The following COL18A1 variants were observed in gnomAD, a reference collection of about 807,000 sequenced individuals.
COL18A1 encodes the protein collagen type XVIII alpha 1 chain.
Under a neutral mutation model 168.0 loss-of-function variants are expected in COL18A1, and 133 were observed. That is an observed-to-expected ratio of 0.79 (90% CI 0.69 to 0.91). COL18A1 has a LOEUF of 0.91. Ranked by LOEUF, COL18A1 falls within the 40% of genes least tolerant of loss-of-function variation. The pLI is 0.00. For missense variants in COL18A1, 2,126 were observed against 1,925.4 expected, an observed-to-expected ratio of 1.10 and a Z score of -1.95; for synonymous variants, 949 against 809.0, an observed-to-expected ratio of 1.17 and a Z score of -2.94.
Position 45,455,842 on chromosome 21 carries a change from G to A in COL18A1, c.107-12400G>A, listed in dbSNP as rs377623821. 1.4e-4 allele frequency: 222 copies of A among 1,613,226 alleles called. No homozygotes were observed. In the African/African-American group the frequency reaches 2.1e-3, roughly 15 times the overall value. ...CTGCCGAGAGCCCGGACGCGCCAGAGGAGAACATTGCCGGTGTCGGAGCCG... is the reference window on the plus strand; with the variant it reads ...CTGCCGAGAGCCCGGACGCGCCAGAAGAGAACATTGCCGGTGTCGGAGCCG... On this transcript the variant is annotated intron_variant, in intron 2 of 41. Transcript: ENST00000651438.
intron 2 of COL18A1, among the ~76,000 whole-genome samples, chr21:45,414,059 G>A (rs1047942499): frequency 6.6e-6 from 1 of 152,240 alleles, no homozygotes; most frequent in Admixed American, 6.5e-5. Flanking sequence ...AGGAGGTGGA[G>A]GAGGAGGATC....
intron 2 of COL18A1, among the ~76,000 whole-genome samples, chr21:45,450,502 T>C (rs2034597640): frequency 1.3e-5 from 2 of 152,202 alleles, no homozygotes; most frequent in South Asian, 4.1e-4. Context: ...GCCCCCCTCT[T>C]TGCCCCCTGA....
In COL18A1 at chr21:45,455,594, C is replaced by CG. The variant is rs752078007; in HGVS notation, c.107-12645dup. 2.7e-5 allele frequency: 44 copies of CG among 1,613,950 alleles called. No individual in the cohort carries two copies. The highest frequency in any genetic ancestry group is 5.0e-5 in the Admixed American group (3 of 60,028). ...GCTCTTCTGCTGCCTGGCGGCTGCC[C>CG]GGGCCAACCTGCTGAACCTGAACTG... On this transcript the variant is annotated intron_variant, in intron 2 of 41. Coordinates refer to ENST00000651438, the MANE Select transcript of COL18A1 (RefSeq NM_001379500.1).
chr21:45,479,479 A>C (rs928340740), intron 9 of COL18A1, among the ~76,000 whole-genome samples: 1 of 152,044 alleles, frequency 6.6e-6, no homozygotes, highest in Admixed American at 6.5e-5. Flanking sequence ...ACACACATAC[A>C]CATACCACGT....
At chr21:45,430,468 G>T (rs2145781938) in intron 2 of COL18A1, among the ~76,000 whole-genome samples, 1 of 152,210 alleles carries the variant, frequency 6.6e-6, no homozygotes, top group South Asian at 2.1e-4. Context: ...TTGCTGGGGA[G>T]GGGGCTCGAG....
chr21:45,504,328 C>A, intron 33 of COL18A1, 88 bp from the exon 34 acceptor site: 1 of 1,384,714 alleles, frequency 7.2e-7, no homozygotes, highest in Non-Finnish European at 9.9e-7. Flanking sequence ...AAGCTTCTGA[C>A]TGCCCAGCCC....
At chr21:45,456,801 G>A in intron 2 of COL18A1, 14 of 1,539,290 alleles carry the variant, frequency 9.1e-6, no homozygotes, top group Non-Finnish European at 1.1e-5. Flanking sequence ...AGCCGCCTGG[G>A]CGGGGGCCGG....
chr21:45,495,443 C>G lies in COL18A1; in HGVS notation c.2508+11C>G. 1 of 1,600,434 alleles carries G rather than the reference C, an allele frequency of 6.2e-7. No individual in the cohort carries two copies. Among genetic ancestry groups the G allele is most frequent in the Non-Finnish European group, 8.5e-7 (1 of 1,172,656 alleles). On this transcript the variant is annotated intron_variant, in intron 29 of 41. Coordinates refer to ENST00000651438, the MANE Select transcript of COL18A1 (RefSeq NM_001379500.1). ...GGATTTGGCATGAGGGTGAGTGTCT[C>G]TCAAGGGGCGGACTGGGTGGCTGGG...
At chr21:45,456,623 C>A (rs757277183) in intron 2 of COL18A1, 80 of 1,539,106 alleles carry the variant, frequency 5.2e-5, no homozygotes, top group Non-Finnish European at 6.5e-5. Context: ...GAGCGGCGAG[C>A]AGGTGCGGGC....
In COL18A1 at chr21:45,443,269, A is replaced by G. The variant is rs1473390661; in HGVS notation, c.107-24973A>G. Among the ~76,000 whole-genome samples the G allele has an allele frequency of 6.6e-6, 1 of 152,128 alleles. No homozygotes were observed. The highest frequency in any genetic ancestry group is 1.5e-5 in the Non-Finnish European group (1 of 68,010). ...CCCAACCGGCACAAGTGTGGCTGTC[A>G]CAGCTGGGGTCTGGGTAGGTCTGGC... On this transcript the variant is annotated intron_variant, in intron 2 of 41. Transcript: ENST00000651438. This position sits in a 1 kb window ranked among gnomAD's most constrained non-coding sequence, Gnocchi z 5.2.
At chr21:45,490,551 C>CCCGGGTCT (rs1258903790) in intron 20 of COL18A1, among the ~76,000 whole-genome samples, 2,636 of 138,326 alleles carry the variant, frequency 0.019, 20 homozygotes, top group Middle Eastern at 0.03. Context: ...CGTGTGCCCT[C>CCCGGGTCT]CTGGGTCTCC....
At chr21:45,491,360 A>G (rs2036336418) in intron 22 of COL18A1, 46 bp downstream of exon 22, 1 of 1,241,652 alleles carries the variant, frequency 8.1e-7, no homozygotes, top group African/African-American at 1.5e-5. Flanking sequence ...CAGACCCCCC[A>G]CGGGGTGCAG....
intron 2 of COL18A1, among the ~76,000 whole-genome samples, chr21:45,445,100 A>G (rs989197110): frequency 6.6e-6 from 1 of 152,220 alleles, no homozygotes; most frequent in Admixed American, 6.5e-5. Context: ...TCATCACTCC[A>G]GAGAGAAGCC....
chr21:45,482,711 C>T, intron 14 of COL18A1, 84 bp from the exon 15 acceptor site: 1 of 1,606,610 alleles, frequency 6.2e-7, no homozygotes, highest in Non-Finnish European at 8.5e-7. Context: ...GGTCGGGGCA[C>T]AGTTCCTGGC....
intron 2 of COL18A1, chr21:45,456,568 C>T: frequency 5.2e-6 from 8 of 1,545,720 alleles, no homozygotes; most frequent in Non-Finnish European, 7.0e-6. Flanking sequence ...TCTGCGGCCA[C>T]CTGGGCATCT....
At chr21:45,431,199 G>A (rs549421050) in intron 2 of COL18A1, among the ~76,000 whole-genome samples, 5 of 152,286 alleles carry the variant, frequency 3.3e-5, no homozygotes, top group African/African-American at 7.2e-5. Context: ...GGTGGGCGAC[G>A]GACAGACAGG....
intron 2 of COL18A1, among the ~76,000 whole-genome samples, chr21:45,442,742 C>T (rs1295327981): frequency 2.3e-5 from 2 of 85,332 alleles, no homozygotes; most frequent in Non-Finnish European, 2.1e-5. Context: ...GTGTGGGCAG[C>T]GGGGCTGGTG....
Position 45,425,673 on chromosome 21 carries a change from G to T in COL18A1, c.106+20200G>T, listed in dbSNP as rs759620246. 3.3e-5 allele frequency among the ~76,000 whole-genome samples: 5 copies of T among 152,172 alleles called. No homozygotes were observed. Among genetic ancestry groups the T allele is most frequent in the Non-Finnish European group, 7.4e-5 (5 of 68,022 alleles). On this transcript the variant is annotated intron_variant, in intron 2 of 41. Coordinates refer to ENST00000651438, the MANE Select transcript of COL18A1 (RefSeq NM_001379500.1). This position sits in a 1 kb window ranked among gnomAD's most constrained non-coding sequence, Gnocchi z 4.1. ...AGCCTCCCCGGCTCCTCAGGGGGAG[G>T]TTCGGGGCCTTTGGTCTCTGGACTT... is the stretch of plus-strand genomic sequence containing the variant.
At chr21:45,419,117 C>G (rs1327955034) in intron 2 of COL18A1, among the ~76,000 whole-genome samples, 3 of 152,218 alleles carry the variant, frequency 2.0e-5, no homozygotes, top group Non-Finnish European at 4.4e-5. Context: ...TTGCCAGAGG[C>G]TCTGGAGCTG....
Sources: gnomAD v4.1 joint callset for allele counts (sites outside exome capture counted in the v4.1 genomes callset) on GRCh38, gnomAD v4.1.1 for gene constraint, Gnocchi (gnomAD v3.1) non-coding constraint, MANE v1.5 for transcripts, NCBI Gene and HGNC (gene_info 2026-07-23, HGNC 2026-07-21) for gene names.